The following MICALL2 variants were observed in gnomAD, a reference collection of about 807,000 sequenced individuals.
MICALL2 encodes the protein MICAL-like protein 2.
Under a neutral mutation model 91.1 loss-of-function variants are expected in MICALL2, and 111 were observed. The observed-to-expected ratio is 1.22, with a 90% CI of 1.04 to 1.43. The LOEUF (loss-of-function observed/expected upper bound fraction) is 1.43. MICALL2 is among the 40% of genes most tolerant of loss of function. The pLI is 0.00. For synonymous variants in MICALL2, 694 were observed against 525.3 expected (o/e 1.32, Z -4.39); for missense variants, 1,556 against 1,236.0 (o/e 1.26, Z -3.88).
chr7:1,438,801 A>G (rs1780113955), intron 10 of MICALL2, 39 bp downstream of exon 10: 4 of 1,565,392 alleles, frequency 2.6e-6, no homozygotes, highest in Admixed American at 1.7e-5. Context: ...GGCTCCCTTC[A>G]CGTACACCCC....
intron 9 of MICALL2, chr7:1,439,701 C>A: frequency 2.3e-6 from 1 of 432,304 alleles, no homozygotes; most frequent in East Asian, 3.6e-5. Flanking sequence ...ACATGCATCA[C>A]GCATGGATAC....
chr7:1,441,565 G>C (rs1474865563), intron 7 of MICALL2: 1 of 154,450 alleles, frequency 6.5e-6, no homozygotes, highest in African/African-American at 2.4e-5. Context: ...CCCAGCCTAG[G>C]AGGCACCAGA....
In MICALL2 at chr7:1,446,718, G is replaced by A. The variant is rs1254013886; in HGVS notation, c.636C>T (p.Cys212=). 2 of 1,594,738 alleles carry A rather than the reference G, an allele frequency of 1.3e-6. No individual in the cohort carries two copies. The highest frequency in any genetic ancestry group is 2.3e-5 in the East Asian group (1 of 44,110). Residue 212 remains cysteine (C), a synonymous_variant, in exon 5 of 17, where the codon TGC becomes TGT. Coordinates refer to ENST00000297508, the MANE Select transcript of MICALL2 (RefSeq NM_182924.4). ...LADGRLYHRS[C]FRCKQCSCTL... ...CGGGCAGAGGGCAGCCCCACCTGAA[G>A]CAGCTCCGGTGGTAAAGCCTCCCGT...
intron 15 of MICALL2, among the ~76,000 whole-genome samples, 155 bp downstream of exon 15, chr7:1,436,587 G>A (rs1420796855): frequency 1.4e-5 from 2 of 143,506 alleles, no homozygotes; most frequent in Admixed American, 7.0e-5. Context: ...AAAAGTCCCC[G>A]ATGGCCACAT....
At chr7:1,439,818 T>C in intron 9 of MICALL2, 107 bp downstream of exon 9, 2 of 997,534 alleles carry the variant, frequency 2.0e-6, no homozygotes, top group Non-Finnish European at 1.4e-6. Context: ...GGAGCGCCTC[T>C]CCGCACACCC....
chr7:1,435,232 AC>A, intron 15 of MICALL2, 85 bp from the exon 16 acceptor site: 1 of 1,433,424 alleles, frequency 7.0e-7, no homozygotes. Context: ...CAGCAGTGGC[AC>A]CCCAGCCCTG....
intron 16 of MICALL2, 99 bp from the exon 17 acceptor site, chr7:1,434,771 G>C: frequency 7.9e-7 from 1 of 1,273,432 alleles, no homozygotes; most frequent in Non-Finnish European, 1.1e-6. Context: ...CCCTTCCACT[G>C]GCCACAATCC....
intron 6 of MICALL2, among the ~76,000 whole-genome samples, chr7:1,442,762 C>T (rs1780369183): frequency 6.6e-6 from 1 of 152,194 alleles, no homozygotes; most frequent in Non-Finnish European, 1.5e-5. Context: ...CTGTTTCTGG[C>T]ATGAGCATAT....
chr7:1,450,723 G>T (rs1344564604), intron 1 of MICALL2, among the ~76,000 whole-genome samples: 3 of 152,214 alleles, frequency 2.0e-5, no homozygotes, highest in Non-Finnish European at 2.9e-5. Flanking sequence ...GAACGGAGGA[G>T]AGAGGCTCCC....
At chr7:1,435,886 C>T (rs1243383452) in intron 15 of MICALL2, among the ~76,000 whole-genome samples, 2 of 151,894 alleles carry the variant, frequency 1.3e-5, no homozygotes, top group Non-Finnish European at 2.9e-5. Context: ...CCCGTCTCTA[C>T]TAAAAATCTA....
chr7:1,444,994 G>A lies in MICALL2; in HGVS notation c.1076C>T (p.Ala359Val), dbSNP rs1278227224. Residue 359 changes from alanine to valine, a missense_variant, in exon 6 of 17, where the codon GCC becomes GTC. Transcript: ENST00000297508. ...SSAAPCTAAA[A>V]SHPAVPPSAP... ...ACTCGGGGGCACGGCGGGATGGGAG[G>A]CAGCCGCTGCTGTGCACGGGGCAGC... is the stretch of plus-strand genomic sequence containing the variant. 6.0e-6 allele frequency: 9 copies of A among 1,507,854 alleles called. No individual in the cohort carries two copies. The highest frequency in any genetic ancestry group is 2.1e-5 in the Admixed American group (1 of 47,906). 93.4% of individuals were successfully genotyped at this position (1,507,854 alleles called of 1,614,324 possible). A position where few individuals can be genotyped will look rare whatever the true frequency, so the allele number is the denominator to read the frequency against.
In MICALL2 at chr7:1,436,679, G is replaced by A. The variant is rs1002680351; in HGVS notation, c.2591+63C>T. 7.5e-5 allele frequency: 97 copies of A among 1,286,744 alleles called. No homozygotes were observed. The African/African-American group carries it at 1.1e-3, about 15-fold the overall frequency. The allele number at this position is 1,286,744 out of a possible 1,614,324, so 79.7% of individuals were successfully genotyped here. A position where few individuals can be genotyped will look rare whatever the true frequency, so the allele number is the denominator to read the frequency against. Reference sequence around the variant, plus strand: ...TCTACGGGGCTGGCTGACCCTGAGGGCCGGGAGCATGGACCAGGCGACCTG... The same window carrying A: ...TCTACGGGGCTGGCTGACCCTGAGGACCGGGAGCATGGACCAGGCGACCTG... On this transcript the variant is annotated intron_variant, in intron 15 of 16. Transcript: ENST00000297508.
In MICALL2 at chr7:1,439,003, C is replaced by CA; in HGVS notation, c.1967-9dup. The CA allele has an allele frequency of 6.3e-7, 1 of 1,588,164 alleles. No individual in the cohort carries two copies. Among genetic ancestry groups the CA allele is most frequent in the South Asian group, 1.1e-5 (1 of 90,516 alleles). On this transcript the variant is annotated splice_polypyrimidine_tract_variant and intron_variant, in intron 9 of 16. Transcript: ENST00000297508. ...GTGGGGAGGGGGACCTGGCTGCCCC[C>CA]AGGTGGGGAGACAGAGCCACGCTTC...
intron 5 of MICALL2, 45 bp from the exon 6 acceptor site, chr7:1,445,473 C>A: frequency 6.9e-7 from 1 of 1,442,226 alleles, no homozygotes; most frequent in African/African-American, 1.4e-5. Context: ...CACCGCCCAC[C>A]CCGCCACGCA....
intron 1 of MICALL2, among the ~76,000 whole-genome samples, chr7:1,455,437 G>A (rs1315350956): frequency 6.6e-6 from 1 of 152,216 alleles, no homozygotes; most frequent in Admixed American, 6.5e-5. Flanking sequence ...CAGGGCAGGC[G>A]GGCACAGGCA....
rs1173070180 is a variant in MICALL2, at chr7:1,439,060, C to G, written c.1967-65G>C. 5.4e-6 allele frequency: 7 copies of G among 1,295,014 alleles called. No homozygotes were observed. The East Asian group carries it at 1.7e-4, about 32-fold the overall frequency. 80.2% of individuals were successfully genotyped at this position (1,295,014 alleles called of 1,614,324 possible). On this transcript the variant is annotated intron_variant, in intron 9 of 16. Transcript: ENST00000297508. Reference sequence around the variant, plus strand: ...GGGCCACTGGGAGCCTGGGGTCTGTCCCAGCACAGCCAACAGCTCGCTGGG... The same window carrying G: ...GGGCCACTGGGAGCCTGGGGTCTGTGCCAGCACAGCCAACAGCTCGCTGGG...
At chr7:1,438,009 G>A (rs751537241) in intron 12 of MICALL2, 29 bp from the exon 13 acceptor site, 3 of 1,550,682 alleles carry the variant, frequency 1.9e-6, no homozygotes, top group African/African-American at 1.4e-5. Flanking sequence ...TGGGGCAGGG[G>A]GGCCCGCCAG....
In MICALL2 at chr7:1,436,871, C is replaced by T. The variant is rs765838920; in HGVS notation, c.2477-15G>A. The stretch of plus-strand genomic sequence containing the variant: ...CTTCAGAGCCTCTGTGGGGATGGCT[C>T]GTCAGCAGGAGCCCCCCCCACCACT... On this transcript the variant is annotated splice_polypyrimidine_tract_variant and intron_variant, in intron 14 of 16. Transcript: ENST00000297508. 5.2e-6 allele frequency: 8 copies of T among 1,547,740 alleles called. No individual in the cohort carries two copies. Among genetic ancestry groups the T allele is most frequent in the African/African-American group, 4.1e-5 (3 of 72,732 alleles).
At chr7:1,450,572 G>A in intron 1 of MICALL2, 3 of 408,364 alleles carry the variant, frequency 7.3e-6, no homozygotes, top group Non-Finnish European at 1.4e-5. Context: ...CACAGTCAGA[G>A]GTGGCAGGAA....
Sources: allele counts gnomAD v4.1 joint callset (sites outside exome capture counted in the v4.1 genomes callset), GRCh38; gene constraint gnomAD v4.1.1; transcripts MANE v1.5; gene names NCBI Gene and HGNC (gene_info 2026-07-23, HGNC 2026-07-21).